Variants in CNGB3 observed in about 807,000 individuals in gnomAD.
CNGB3 encodes the protein cyclic nucleotide gated channel subunit beta 3.
A neutral mutation model predicts 92.8 loss-of-function variants in CNGB3; 86 were observed. The observed-to-expected ratio is 0.93, with a 90% CI of 0.78 to 1.11. CNGB3 has a LOEUF of 1.11. Ranked by LOEUF, CNGB3 falls within the 50% of genes least tolerant of loss-of-function variation. The pLI, the probability that CNGB3 is intolerant of heterozygous loss-of-function variation, is 0.00. For synonymous variants in CNGB3, 333 were observed against 332.7 expected, an observed-to-expected ratio of 1.00 and a Z score of -0.01; for missense variants, 1,026 against 956.8, an observed-to-expected ratio of 1.07 and a Z score of -0.95.
intron 1 of CNGB3, 101 bp from the exon 2 acceptor site, chr8:86,739,837 A>C: frequency 7.6e-7 from 1 of 1,324,072 alleles, no homozygotes; most frequent in Admixed American, 1.9e-5. Flanking sequence ...CAATCAGATC[A>C]TTAAAATTGA....
At chr8:86,685,941 A>C (rs370776219) in intron 3 of CNGB3, among the ~76,000 whole-genome samples, 2 of 151,186 alleles carry the variant, frequency 1.3e-5, no homozygotes, top group African/African-American at 4.9e-5. Context: ...TTAATATTTA[A>C]ACTGAATGAC....
At chr8:86,609,449 A>G (rs980672382) in intron 14 of CNGB3, among the ~76,000 whole-genome samples, 1 of 152,104 alleles carries the variant, frequency 6.6e-6, no homozygotes, top group African/African-American at 2.4e-5. Context: ...ATTTTATCAT[A>G]ATCTCTCTTC....
chr8:86,580,661 T>C (rs1174336922), intron 15 of CNGB3, among the ~76,000 whole-genome samples: 3 of 151,668 alleles, frequency 2.0e-5, no homozygotes, highest in Non-Finnish European at 4.4e-5. Flanking sequence ...CAAAAAAGAG[T>C]GGGGGAATAA....
chr8:86,711,609 G>C (rs1333620582), intron 3 of CNGB3, among the ~76,000 whole-genome samples: 1 of 152,070 alleles, frequency 6.6e-6, no homozygotes, highest in African/African-American at 2.4e-5. Flanking sequence ...ACTGCCTATA[G>C]GCTGGCTCCT....
intron 15 of CNGB3, chr8:86,594,058 A>C: frequency 2.9e-6 from 1 of 348,398 alleles, no homozygotes; most frequent in Non-Finnish European, 5.6e-6. Context: ...AAGCTAATAC[A>C]TGCCCAGTTT....
chr8:86,719,660 T>C (rs1824928748), intron 3 of CNGB3, among the ~76,000 whole-genome samples: 1 of 152,116 alleles, frequency 6.6e-6, no homozygotes, highest in African/African-American at 2.4e-5. Flanking sequence ...AAAATTCATA[T>C]GGAACCAAAA....
chr8:86,653,647 AAAG>A (rs1360732270), intron 7 of CNGB3, among the ~76,000 whole-genome samples: 14 of 152,286 alleles, frequency 9.2e-5, no homozygotes, highest in African/African-American at 3.4e-4. Flanking sequence ...TGAGAACAAG[AAAG>A]AAGCGGGAGT....
Position 86,659,302 on chromosome 8 carries a change from C to T in CNGB3, c.853-5240G>A, listed in dbSNP as rs962088814. The T allele has an allele frequency of 5.5e-6, 6 of 1,095,552 alleles. No individual in the cohort carries two copies. The Admixed American group carries it at 1.0e-4, about 19-fold the overall frequency. 67.9% of individuals were successfully genotyped at this position (1,095,552 alleles called of 1,614,324 possible). On this transcript the variant is annotated intron_variant, in intron 6 of 17. Transcript: ENST00000320005. Reference sequence around the variant, plus strand: ...AACTCCATAACCTGCCCCAGGTGTGCTTCCAGCTGTGCCTGCTCCTCCATG... The same window carrying T: ...AACTCCATAACCTGCCCCAGGTGTGTTTCCAGCTGTGCCTGCTCCTCCATG...
At chr8:86,641,124 A>G (rs1311867574) in intron 10 of CNGB3, among the ~76,000 whole-genome samples, 1 of 152,008 alleles carries the variant, frequency 6.6e-6, no homozygotes, top group Non-Finnish European at 1.5e-5. Flanking sequence ...CGCTAATTAT[A>G]ATTCATTAGC....
chr8:86,735,044 T>G lies in CNGB3; in HGVS notation c.211+4611A>C, dbSNP rs921667996. ...TGTCAAATTCTCAAATGCCGGTGGT[T>G]TTTTTTTTTTTTTTTTTTTTTTTTT... On this transcript the variant is annotated intron_variant, in intron 2 of 17. Transcript: ENST00000320005. 2.8e-3 allele frequency among the ~76,000 whole-genome samples: 89 copies of G among 32,170 alleles called. 7 individuals are homozygous for G. Among genetic ancestry groups the G allele is most frequent in the Middle Eastern group, 0.033 (2 of 60 alleles). 21.1% of individuals were successfully genotyped at this position (32,170 alleles called of 152,430 possible).
intron 6 of CNGB3, chr8:86,658,409 CT>C: frequency 2.3e-6 from 1 of 426,316 alleles, no homozygotes; most frequent in Non-Finnish European, 4.4e-6. Context: ...GTGGCTGCTA[CT>C]TCTGCTGGCT....
At chr8:86,590,435 C>T (rs4506239) in intron 15 of CNGB3, among the ~76,000 whole-genome samples, 131,443 of 151,508 alleles carry the variant, frequency 0.87, 57,199 homozygotes, top group Non-Finnish European at 0.9. Context: ...TTCCTAGTCT[C>T]GATGGTCTTT....
chr8:86,645,251 C>T (rs1163159050), intron 8 of CNGB3, among the ~76,000 whole-genome samples: 1 of 151,196 alleles, frequency 6.6e-6, no homozygotes, highest in Non-Finnish European at 1.5e-5. Flanking sequence ...TACTATTTCC[C>T]TCAAGGTTTT....
At position 86,578,775 on chromosome 8, in the gene CNGB3, G is replaced by A. The variant is rs375843177; in HGVS notation, c.2017C>T (p.Pro673Ser). The change falls in exon 17 of 18, where the codon CCC (proline) becomes TCC (serine). Residue 673 changes from proline (P) to serine (S), a missense_variant. Pro to Ser is a moderately conservative substitution (Grantham distance 74, BLOSUM62 -1). Coordinates refer to ENST00000320005, the MANE Select transcript of CNGB3 (RefSeq NM_019098.5). ...ALLFPPKEET[P>S]KLFKTLLGGT... is the part of the protein sequence containing the mutation. The stretch of plus-strand genomic sequence containing the variant: ...CCTAGGAGAGTTTTAAACAGTTTGG[G>A]TGTCTCTTCTTTCGGTGGGAAGAGG... The A allele has an allele frequency of 6.8e-6, 11 of 1,613,998 alleles. No homozygotes were observed. The highest frequency in any genetic ancestry group is 2.2e-5 in the East Asian group (1 of 44,888).
intron 3 of CNGB3, among the ~76,000 whole-genome samples, chr8:86,671,936 C>A (rs967739474): frequency 1.3e-5 from 2 of 152,114 alleles, no homozygotes; most frequent in African/African-American, 4.8e-5. Context: ...TGATTTGGAC[C>A]CATTTGCTAA....
intron 3 of CNGB3, among the ~76,000 whole-genome samples, chr8:86,705,755 C>A (rs1824641492): frequency 6.6e-6 from 1 of 152,152 alleles, no homozygotes; most frequent in South Asian, 2.1e-4. Flanking sequence ...GCAGCACAGG[C>A]TTTGGCCTTA....
intron 15 of CNGB3, among the ~76,000 whole-genome samples, chr8:86,595,539 G>GAAAATGTAAAT (rs1467538023): frequency 6.6e-6 from 1 of 152,190 alleles, no homozygotes; most frequent in Non-Finnish European, 1.5e-5. Context: ...AGGATGTAGT[G>GAAAATGTAAAT]AAAATGTAAA....
At chr8:86,689,544 TTTTTTATTTTTA>T (rs200209545) in intron 3 of CNGB3, among the ~76,000 whole-genome samples, 5,262 of 150,804 alleles carry the variant, frequency 0.035, 296 homozygotes, top group African/African-American at 0.12. Flanking sequence ...ATTTCTTTAT[TTTTTTATTTTTA>T]TTTTTATTTT....
Position 86,676,888 on chromosome 8 carries a change from G to A in CNGB3, c.339-5790C>T, listed in dbSNP as rs943819819. ...CAGTAACGCTGCCTTTCCTATTTTTGCATCTGCTCATGAATATAGTAATTT... is the reference window on the plus strand; with the variant it reads ...CAGTAACGCTGCCTTTCCTATTTTTACATCTGCTCATGAATATAGTAATTT... On this transcript the variant is annotated intron_variant, in intron 3 of 17. Transcript: ENST00000320005. 2.6e-5 allele frequency among the ~76,000 whole-genome samples: 4 copies of A among 152,092 alleles called. No individual in the cohort carries two copies. In the East Asian group the frequency reaches 7.7e-4, roughly 29 times the overall value.
Sources: gnomAD v4.1 joint callset for allele counts (sites outside exome capture counted in the v4.1 genomes callset) on GRCh38, gnomAD v4.1.1 for gene constraint, MANE v1.5 for transcripts, NCBI Gene and HGNC (gene_info 2026-07-23, HGNC 2026-07-21) for gene names.